ADARB1: variants seen among roughly 807,000 people sequenced by gnomAD.
ADARB1 encodes double-stranded RNA-specific editase 1.
ADARB1 carries 10 observed loss-of-function variants against 52.4 expected under a neutral mutation model. The observed-to-expected ratio is 0.19, with a 90% CI of 0.12 to 0.32. The LOEUF (loss-of-function observed/expected upper bound fraction) is 0.32. Among genes scored for constraint, ADARB1 ranks in the 10% least tolerant of loss-of-function variants. The pLI is 1.00. For synonymous variants in ADARB1, 349 were observed against 371.1 expected, an observed-to-expected ratio of 0.94 and a Z score of 0.68; for missense variants, 643 against 922.3, an observed-to-expected ratio of 0.70 and a Z score of 3.92.
In ADARB1 at chr21:45,204,500, C is replaced by T. The variant is rs1601956298; in HGVS notation, c.1566-55C>T. On this transcript the variant is annotated intron_variant, in intron 8 of 10. Transcript: ENST00000348831. This position sits in a 1 kb window ranked among gnomAD's most constrained non-coding sequence, Gnocchi z 4.4. ...TGTAACCACGCAGGCTTGGGCTGGG[C>T]TGCGTCGACACTGAGTCCGAGCTCC... 1 of 1,569,082 alleles carries T rather than the reference C, an allele frequency of 6.4e-7. No homozygotes were observed. The highest frequency in any genetic ancestry group is 2.2e-5 in the East Asian group (1 of 44,562).
chr21:45,173,145 A>G (rs746857900), intron 3 of ADARB1, among the ~76,000 whole-genome samples: 7 of 152,278 alleles, frequency 4.6e-5, no homozygotes, highest in Non-Finnish European at 8.8e-5. Context: ...CCCCAAACTG[A>G]TCCTGTGATC....
intron 8 of ADARB1, among the ~76,000 whole-genome samples, chr21:45,190,852 T>G (rs2092262159): frequency 6.6e-6 from 1 of 152,254 alleles, no homozygotes. Flanking sequence ...CTCTTTTGTT[T>G]CCATCCCAAG....
intron 2 of ADARB1, among the ~76,000 whole-genome samples, chr21:45,130,396 C>T (rs1210249806): frequency 3.9e-5 from 6 of 152,100 alleles, no homozygotes; most frequent in Non-Finnish European, 5.9e-5. Flanking sequence ...GCTGAGAAAG[C>T]AAAACTGAAG....
intron 1 of ADARB1, among the ~76,000 whole-genome samples, chr21:45,077,622 G>A (rs1418007583): frequency 6.6e-6 from 1 of 151,564 alleles, no homozygotes; most frequent in African/African-American, 2.4e-5. Flanking sequence ...AGCTGAGACC[G>A]TGCCATTGCA....
At position 45,080,516 on chromosome 21, in the gene ADARB1, G is replaced by A. The variant is rs573842145; in HGVS notation, c.-220+5723G>A. ...AGACATGCTGCCCTTTTGAAAGGAGGATAGGAAATAAATCATGGTTTTGTC... is the reference window on the plus strand; with the variant it reads ...AGACATGCTGCCCTTTTGAAAGGAGAATAGGAAATAAATCATGGTTTTGTC... On this transcript the variant is annotated intron_variant, in intron 1 of 10. Coordinates refer to ENST00000348831, the MANE Select transcript of ADARB1 (RefSeq NM_001112.4). 2.6e-5 allele frequency among the ~76,000 whole-genome samples: 4 copies of A among 152,354 alleles called. No homozygotes were observed. The South Asian group carries it at 8.3e-4, about 32-fold the overall frequency.
At chr21:45,171,923 G>A (rs1461711445) in intron 3 of ADARB1, among the ~76,000 whole-genome samples, 2 of 152,098 alleles carry the variant, frequency 1.3e-5, no homozygotes, top group Admixed American at 6.5e-5. Context: ...CCCGTGGAAT[G>A]GGCTTCTGGG....
In ADARB1 at chr21:45,176,377, C is replaced by A. The variant is rs1460446698; in HGVS notation, c.676C>A (p.Pro226Thr). The A allele has an allele frequency of 1.2e-6, 2 of 1,614,182 alleles. No individual in the cohort carries two copies. Among genetic ancestry groups the A allele is most frequent in the Admixed American group, 1.7e-5 (1 of 60,032 alleles). The change falls in exon 4 of 11, where the codon CCA becomes ACA. Residue 226 changes from proline (P) to threonine (T), a missense_variant. This residue lies in a region of ADARB1 where 380 missense variants were observed against 446.5 expected (regional missense o/e 0.85). Coordinates refer to ENST00000348831, the MANE Select transcript of ADARB1 (RefSeq NM_001112.4). This position sits in a 1 kb window ranked among gnomAD's most constrained non-coding sequence, Gnocchi z 5.8. ...AGCCCAGCCTCCTCTCCCTGTCTTA[C>A]CACCATTCCCACCCCCGAGTGGGAA... is the stretch of plus-strand genomic sequence containing the variant. ...SLAQPPLPVL[P>T]PFPPPSGKNP...
At position 45,226,304 on chromosome 21, in the gene ADARB1, G is replaced by C. The variant is rs1212875403; in HGVS notation, c.*4107G>C. The C allele has an allele frequency of 6.6e-6, 1 of 152,586 alleles. No individual in the cohort carries two copies. The highest frequency in any genetic ancestry group is 2.4e-5 in the African/African-American group (1 of 41,448). 9.5% of individuals were successfully genotyped at this position (152,586 alleles called of 1,614,324 possible). A position where few individuals can be genotyped will look rare whatever the true frequency, so the allele number is the denominator to read the frequency against. ...ATGGAGTCAGCCCCTAAAGCTGTTTGCTTTTTCAGGCTTTGGATTACATGC... is the reference window on the plus strand; with the variant it reads ...ATGGAGTCAGCCCCTAAAGCTGTTTCCTTTTTCAGGCTTTGGATTACATGC... On this transcript the variant is annotated 3_prime_UTR_variant, in exon 11 of 11. Transcript: ENST00000348831.
chr21:45,092,508 A>G (rs1397851391), intron 1 of ADARB1, among the ~76,000 whole-genome samples: 1 of 152,218 alleles, frequency 6.6e-6, no homozygotes, highest in Admixed American at 6.5e-5. Context: ...TGAGGACCAA[A>G]TCTTAATCCT....
intron 1 of ADARB1, among the ~76,000 whole-genome samples, chr21:45,098,060 CA>C (rs2123715709): frequency 6.6e-6 from 1 of 152,368 alleles, no homozygotes; most frequent in Admixed American, 6.5e-5. Context: ...CCCTCACCGT[CA>C]CACCCAGTCC....
At chr21:45,079,248 G>A (rs2086061795) in intron 1 of ADARB1, among the ~76,000 whole-genome samples, 1 of 152,206 alleles carries the variant, frequency 6.6e-6, no homozygotes, top group Non-Finnish European at 1.5e-5. Flanking sequence ...ACTAGATTGT[G>A]ACACAATGCT....
At chr21:45,114,776 T>G (rs2087738592) in intron 1 of ADARB1, among the ~76,000 whole-genome samples, 1 of 152,224 alleles carries the variant, frequency 6.6e-6, no homozygotes, top group South Asian at 2.1e-4. Context: ...TATTCAGCCT[T>G]TGCTGCAGCC....
chr21:45,178,112 G>T (rs2091774358), intron 4 of ADARB1, among the ~76,000 whole-genome samples: 1 of 152,192 alleles, frequency 6.6e-6, no homozygotes, highest in Admixed American at 6.5e-5. Flanking sequence ...CCATTGAAAT[G>T]ACATCAAATG....
intron 2 of ADARB1, among the ~76,000 whole-genome samples, chr21:45,136,743 C>T (rs1038068964): frequency 6.6e-6 from 1 of 152,238 alleles, no homozygotes; most frequent in African/African-American, 2.4e-5. Flanking sequence ...CCCCAGGTTG[C>T]TTGGTGTGTG....
chr21:45,208,721 A>T lies in ADARB1; in HGVS notation c.1747+3985A>T, dbSNP rs1331809246. ...GTGTGCACGCTCACATGAGTGTATGAGAGAGAGAGTGTGTGTGTGTGTGTA... is the reference window on the plus strand; with the variant it reads ...GTGTGCACGCTCACATGAGTGTATGTGAGAGAGAGTGTGTGTGTGTGTGTA... On this transcript the variant is annotated intron_variant, in intron 9 of 10. Transcript: ENST00000348831. The surrounding 1 kb of genome is among the most constrained non-coding windows in gnomAD (Gnocchi z 5.6). 6.6e-6 allele frequency among the ~76,000 whole-genome samples: 1 copy of T among 151,318 alleles called. No homozygotes were observed. The highest frequency in any genetic ancestry group is 1.5e-5 in the Non-Finnish European group (1 of 67,866).
chr21:45,103,004 C>T (rs1350457099), intron 1 of ADARB1, among the ~76,000 whole-genome samples: 5 of 152,318 alleles, frequency 3.3e-5, no homozygotes, highest in Admixed American at 3.3e-4. Flanking sequence ...GGGCCTTCAC[C>T]TCTGGGGGCT....
In ADARB1 at chr21:45,225,247, G is replaced by A. The variant is rs1001055038; in HGVS notation, c.*3050G>A. The A allele has an allele frequency of 3.5e-6, 4 of 1,127,326 alleles. No individual in the cohort carries two copies. Among genetic ancestry groups the A allele is most frequent in the African/African-American group, 1.6e-5 (1 of 62,070 alleles). The allele number at this position is 1,127,326 out of a possible 1,614,324, so 69.8% of individuals were successfully genotyped here. A position where few individuals can be genotyped will look rare whatever the true frequency, so the allele number is the denominator to read the frequency against. ...GCAGCGACAGGTCCAGATGGATGTC[G>A]TCACCACCTTCCTCAGCTCTCATCA... is the stretch of plus-strand genomic sequence containing the variant. On this transcript the variant is annotated 3_prime_UTR_variant, in exon 11 of 11. Coordinates refer to ENST00000348831, the MANE Select transcript of ADARB1 (RefSeq NM_001112.4).
intron 2 of ADARB1, chr21:45,133,613 A>T (rs1000313524): frequency 4.5e-6 from 1 of 224,514 alleles, no homozygotes; most frequent in African/African-American, 2.4e-5. Flanking sequence ...CAGGGGCAGG[A>T]TGCTAACACT....
Position 45,200,448 on chromosome 21 carries a change from C to T in ADARB1, c.1566-4107C>T, listed in dbSNP as rs2092527841. On this transcript the variant is annotated intron_variant, in intron 8 of 10. Transcript: ENST00000348831. This position sits in a 1 kb window ranked among gnomAD's most constrained non-coding sequence, Gnocchi z 5.0. ...ACCTCGGCCTGTGTCCTCAGCTGCA[C>T]AGAGCTGTGGGAACAAACAAGACCA... 6.6e-6 allele frequency among the ~76,000 whole-genome samples: 1 copy of T among 152,160 alleles called. No individual in the cohort carries two copies. Among genetic ancestry groups the T allele is most frequent in the Non-Finnish European group, 1.5e-5 (1 of 68,030 alleles).
Sources: allele counts gnomAD v4.1 joint callset (sites outside exome capture counted in the v4.1 genomes callset), GRCh38; gene constraint gnomAD v4.1.1; regional missense constraint gnomAD v4.1.1; non-coding constraint Gnocchi (gnomAD v3.1); transcripts MANE v1.5; gene names NCBI Gene and HGNC (gene_info 2026-07-23, HGNC 2026-07-21).